ENTREP2: variants seen among roughly 807,000 people sequenced by gnomAD.
The protein encoded by ENTREP2 is protein ENTREP2.
the ENTREP2 span, among the ~76,000 whole-genome samples, chr15:29,276,180 C>T: frequency 6.6e-6 from 1 of 152,144 alleles, no homozygotes; most frequent in African/African-American, 2.4e-5. Context: ...AGAGGTGAGC[C>T]TTGACAAGAT....
chr15:29,654,911 TAC>T, the ENTREP2 span, among the ~76,000 whole-genome samples: 3 of 152,174 alleles, frequency 2.0e-5, no homozygotes, highest in Admixed American at 1.3e-4. Context: ...GGATAATGCA[TAC>T]AGTTGAAATC....
the ENTREP2 span, among the ~76,000 whole-genome samples, chr15:29,573,825 T>C: frequency 6.6e-6 from 1 of 152,194 alleles, no homozygotes; most frequent in Non-Finnish European, 1.5e-5. Flanking sequence ...GGGAGCTCTG[T>C]CCAAATCAAT....
chr15:29,221,755 C>CA, the ENTREP2 span, among the ~76,000 whole-genome samples: 1 of 151,938 alleles, frequency 6.6e-6, no homozygotes, highest in Non-Finnish European at 1.5e-5. Flanking sequence ...ACTTTGCTGA[C>CA]AGAAAGGGAG....
At chr15:29,390,487 C>T in the ENTREP2 span, among the ~76,000 whole-genome samples, 12 of 152,248 alleles carry the variant, frequency 7.9e-5, no homozygotes, top group African/African-American at 2.2e-4. Context: ...CCGAACCTTG[C>T]GAGCACCATG....
the ENTREP2 span, among the ~76,000 whole-genome samples, chr15:29,152,589 T>C: frequency 6.6e-6 from 1 of 152,260 alleles, no homozygotes; most frequent in South Asian, 2.1e-4. Context: ...ATCCAGGTTG[T>C]TGCATGTATC....
chr15:29,341,578 T>G, the ENTREP2 span, among the ~76,000 whole-genome samples: 1 of 152,120 alleles, frequency 6.6e-6, no homozygotes, highest in Non-Finnish European at 1.5e-5. Flanking sequence ...CACGCTCACA[T>G]GTTCCAGGTG....
At chr15:29,233,849 C>T in the ENTREP2 span, 4 of 1,582,750 alleles carry the variant, frequency 2.5e-6, no homozygotes, top group South Asian at 2.2e-5. Context: ...AGAATGAGGG[C>T]TTTCTGTGGG....
chr15:29,368,117 G>A, the ENTREP2 span, among the ~76,000 whole-genome samples: 32 of 151,834 alleles, frequency 2.1e-4, 1 homozygote, highest in Admixed American at 2.0e-3. Context: ...TTGAGGTCAG[G>A]AGTTTGAGAC....
At chr15:29,485,500 C>A in the ENTREP2 span, among the ~76,000 whole-genome samples, 17 of 152,178 alleles carry the variant, frequency 1.1e-4, no homozygotes, top group Non-Finnish European at 2.4e-4. Flanking sequence ...GTGGCAGGCA[C>A]TCCTGGAAAA....
chr15:29,576,327 T>C, the ENTREP2 span, among the ~76,000 whole-genome samples: 1 of 152,154 alleles, frequency 6.6e-6, no homozygotes, highest in Non-Finnish European at 1.5e-5. Context: ...AATCAAAAGT[T>C]AACTCAAAAT....
At chr15:29,662,695 A>G in the ENTREP2 span, among the ~76,000 whole-genome samples, 2 of 152,146 alleles carry the variant, frequency 1.3e-5, no homozygotes, top group Admixed American at 6.5e-5. Flanking sequence ...ACACGAGCCC[A>G]TAAGGACTGC....
At chr15:29,347,991 G>C in the ENTREP2 span, among the ~76,000 whole-genome samples, 7 of 152,134 alleles carry the variant, frequency 4.6e-5, no homozygotes, top group Non-Finnish European at 1.0e-4. Context: ...ATATAGAGGG[G>C]CACCATCTGG....
chr15:29,669,598 A>T, the ENTREP2 span, among the ~76,000 whole-genome samples: 1 of 152,348 alleles, frequency 6.6e-6, no homozygotes, highest in East Asian at 1.9e-4. Context: ...GGAATTCCCC[A>T]TCACATCCGA....
chr15:29,324,270 TTTATTA>T, the ENTREP2 span, among the ~76,000 whole-genome samples: 1 of 151,988 alleles, frequency 6.6e-6, no homozygotes, highest in Non-Finnish European at 1.5e-5. Flanking sequence ...TTTTTTTATT[TTTATTA>T]TTATTATTTT....
At chr15:29,321,607 C>T in the ENTREP2 span, among the ~76,000 whole-genome samples, 62 of 150,190 alleles carry the variant, frequency 4.1e-4, no homozygotes, top group Non-Finnish European at 7.8e-4. Flanking sequence ...TGAGATGATG[C>T]CACTGTACTC....
At chr15:29,119,648 T>TAAAATAA in the ENTREP2 span, among the ~76,000 whole-genome samples, 241 of 4,140 alleles carry the variant, frequency 0.058, 41 homozygotes, top group African/African-American at 0.066. Flanking sequence ...TAAAATAAAA[T>TAAAATAA]AATAAAATAA....
At chr15:29,217,245 G>C in the ENTREP2 span, among the ~76,000 whole-genome samples, 64,080 of 151,894 alleles carry the variant, frequency 0.42, 13,819 homozygotes, top group East Asian at 0.6. Flanking sequence ...TCAGCTTGCA[G>C]AAGTTAAGTC....
the ENTREP2 span, among the ~76,000 whole-genome samples, chr15:29,599,492 G>A: frequency 6.6e-6 from 1 of 152,142 alleles, no homozygotes; most frequent in Non-Finnish European, 1.5e-5. Context: ...TGATATAGAG[G>A]AGAAAAAGGA....
chr15:29,574,321 G>A, the ENTREP2 span, among the ~76,000 whole-genome samples: 2 of 152,122 alleles, frequency 1.3e-5, no homozygotes, highest in African/African-American at 4.8e-5. Flanking sequence ...TAAAGACAGA[G>A]TCTCAGTCTG....
Sources: allele counts gnomAD v4.1 joint callset (sites outside exome capture counted in the v4.1 genomes callset), GRCh38; gene constraint gnomAD v4.1.1; transcripts MANE v1.5; gene names NCBI Gene and HGNC (gene_info 2026-07-23, HGNC 2026-07-21).